GPATCH8: variants seen among roughly 807,000 people sequenced by gnomAD.
GPATCH8 encodes the protein G-patch domain containing 8, also known as G patch domain-containing protein 8.
Under a neutral mutation model 118.3 loss-of-function variants are expected in GPATCH8, and 18 were observed. The ratio of observed to expected loss-of-function variants is 0.15; its 90% CI spans 0.11 to 0.23. The LOEUF (loss-of-function observed/expected upper bound fraction) is 0.23. Ranked by LOEUF, GPATCH8 falls within the 10% of genes least tolerant of loss-of-function variation. The pLI, the probability that GPATCH8 is intolerant of heterozygous loss-of-function variation, is 1.00. For synonymous variants in GPATCH8, 659 were observed against 684.7 expected (o/e 0.96, Z 0.59); for missense variants, 1,631 against 1,873.8 (o/e 0.87, Z 2.39).
chr17:44,440,370 T>G (rs1224960349), intron 3 of GPATCH8, among the ~76,000 whole-genome samples: 1 of 152,198 alleles, frequency 6.6e-6, no homozygotes, highest in Non-Finnish European at 1.5e-5. Flanking sequence ...AAACAACTGA[T>G]ACTCATATTT....
At chr17:44,401,627 G>C (rs917638267) in intron 7 of GPATCH8, among the ~76,000 whole-genome samples, 174 bp from the exon 8 acceptor site, 1 of 152,178 alleles carries the variant, frequency 6.6e-6, no homozygotes, top group Admixed American at 6.5e-5. Flanking sequence ...CTTTCTAAGA[G>C]GAGGTTAGGC....
intron 7 of GPATCH8, among the ~76,000 whole-genome samples, chr17:44,402,247 G>A (rs1170500912): frequency 6.8e-6 from 1 of 147,416 alleles, no homozygotes; most frequent in Admixed American, 6.8e-5. Flanking sequence ...TTGAACCTGG[G>A]AGAGGCAGAG....
rs1366496750 is a variant in GPATCH8 at position 44,402,345 on chromosome 17, A to C, written c.624-892T>G. Among the ~76,000 whole-genome samples, 6 of 151,652 alleles carry C rather than the reference A, an allele frequency of 4.0e-5. No individual in the cohort carries two copies. The East Asian group carries it at 1.2e-3, about 29-fold the overall frequency. On this transcript the variant is annotated intron_variant, in intron 7 of 7. Transcript: ENST00000591680. ...GTCTCAAAAAAAAAAAAAAAAAAAA[A>C]AAAGTAAGACTTATGTCACGACTGA...
At chr17:44,402,092 C>T (rs1040119369) in intron 7 of GPATCH8, among the ~76,000 whole-genome samples, 5 of 151,350 alleles carry the variant, frequency 3.3e-5, no homozygotes, top group South Asian at 2.1e-4. Flanking sequence ...GAGGTGGAGG[C>T]GAGCAGATCA....
chr17:44,502,820 G>A (rs992049041), intron 1 of GPATCH8, among the ~76,000 whole-genome samples: 1 of 152,306 alleles, frequency 6.6e-6, no homozygotes, highest in East Asian at 1.9e-4. Context: ...CTTTTCCCAG[G>A]TAAGGAAGAG....
At chr17:44,432,761 A>T (rs1039968830) in intron 5 of GPATCH8, among the ~76,000 whole-genome samples, 2 of 152,184 alleles carry the variant, frequency 1.3e-5, no homozygotes, top group Non-Finnish European at 2.9e-5. Context: ...GGAAGGAAAA[A>T]AGACCATGGT....
chr17:44,428,698 G>A (rs1288488594), intron 5 of GPATCH8, among the ~76,000 whole-genome samples: 3 of 151,934 alleles, frequency 2.0e-5, no homozygotes, highest in Non-Finnish European at 4.4e-5. Flanking sequence ...AGATGCTCGG[G>A]AAGCTGAGGT....
At chr17:44,435,301 A>G in intron 4 of GPATCH8, 150 bp from the exon 5 acceptor site, 1 of 641,624 alleles carries the variant, frequency 1.6e-6, no homozygotes, top group Non-Finnish European at 2.8e-6. Flanking sequence ...GTCACCTCAC[A>G]GAGAAAATCA....
chr17:44,481,477 G>T (rs1015837508), intron 1 of GPATCH8, among the ~76,000 whole-genome samples: 9 of 152,074 alleles, frequency 5.9e-5, no homozygotes, highest in African/African-American at 2.2e-4. Flanking sequence ...ATACTCAAAA[G>T]GCTTCCATAT....
intron 6 of GPATCH8, among the ~76,000 whole-genome samples, chr17:44,422,935 T>C (rs572609232): frequency 6.6e-6 from 1 of 152,184 alleles, no homozygotes; most frequent in East Asian, 1.9e-4. Context: ...GCTCTATAAA[T>C]TTCTCTTCTT....
intron 2 of GPATCH8, chr17:44,467,170 G>T: frequency 1.3e-6 from 1 of 792,790 alleles, no homozygotes; most frequent in Non-Finnish European, 1.8e-6. Flanking sequence ...AATCACTAAT[G>T]GTCGTTTTTT....
chr17:44,493,454 A>T (rs181214741), intron 1 of GPATCH8, among the ~76,000 whole-genome samples: 1 of 152,356 alleles, frequency 6.6e-6, no homozygotes, highest in Admixed American at 6.5e-5. Context: ...TAACTGGTAC[A>T]AAATGCTGCC....
chr17:44,431,278 G>T (rs926256778), intron 5 of GPATCH8, among the ~76,000 whole-genome samples: 1 of 151,168 alleles, frequency 6.6e-6, no homozygotes, highest in Non-Finnish European at 1.5e-5. Context: ...GGAGGCTGGG[G>T]CAGGAGAATT....
intron 2 of GPATCH8, among the ~76,000 whole-genome samples, chr17:44,474,208 G>GT (rs984986886): frequency 7.9e-5 from 12 of 152,168 alleles, no homozygotes; most frequent in African/African-American, 2.9e-4. Flanking sequence ...AAATTAAGAA[G>GT]TTTTTTTAAA....
At chr17:44,414,672 C>T (rs1282212660) in intron 6 of GPATCH8, among the ~76,000 whole-genome samples, 2 of 152,128 alleles carry the variant, frequency 1.3e-5, no homozygotes, top group African/African-American at 2.4e-5. Context: ...GCAACTATCA[C>T]CACTATCTAA....
intron 3 of GPATCH8, among the ~76,000 whole-genome samples, chr17:44,456,847 A>C (rs115484260): frequency 0.016 from 2,490 of 152,108 alleles, 60 homozygotes; most frequent in African/African-American, 0.051. Context: ...TATTTTTTGA[A>C]TAGTAATACA....
At chr17:44,428,006 G>A (rs1008229929) in intron 5 of GPATCH8, among the ~76,000 whole-genome samples, 1 of 152,140 alleles carries the variant, frequency 6.6e-6, no homozygotes, top group Non-Finnish European at 1.5e-5. Context: ...AATAGGCCAG[G>A]CGTGGTAGCC....
At position 44,397,026 on chromosome 17, in the gene GPATCH8, C is replaced by T. The variant is rs540000623; in HGVS notation, c.*542G>A. On this transcript the variant is annotated 3_prime_UTR_variant, in exon 8 of 8. Coordinates refer to ENST00000591680, the MANE Select transcript of GPATCH8 (RefSeq NM_001002909.4). ...GTTATATCAGGTTCCAGGTGAGACG[C>T]TTTCCACCTCACCTGGGATAACGTA... The T allele has an allele frequency of 1.3e-5, 6 of 454,038 alleles. No individual in the cohort carries two copies. The East Asian group carries it at 4.2e-4, about 32-fold the overall frequency. The allele number at this position is 454,038 out of a possible 1,614,324, so 28.1% of individuals were successfully genotyped here. A position where few individuals can be genotyped will look rare whatever the true frequency, so the allele number is the denominator to read the frequency against.
intron 3 of GPATCH8, among the ~76,000 whole-genome samples, chr17:44,437,649 C>T (rs2050556548): frequency 1.5e-5 from 2 of 131,468 alleles, no homozygotes; most frequent in African/African-American, 4.9e-5. Context: ...GCATTACCCT[C>T]CCAACCCCAA....
Sources: allele counts gnomAD v4.1 joint callset (sites outside exome capture counted in the v4.1 genomes callset), GRCh38; gene constraint gnomAD v4.1.1; transcripts MANE v1.5; gene names NCBI Gene and HGNC (gene_info 2026-07-23, HGNC 2026-07-21).